The following ECD variants were observed in gnomAD, a reference collection of about 807,000 sequenced individuals.
ECD encodes the protein ecdysoneless cell cycle regulator, also known as protein ecdysoneless homolog.
A neutral mutation model predicts 77.2 loss-of-function variants in ECD; 59 were observed. The ratio of observed to expected loss-of-function variants is 0.76; its 90% confidence interval spans 0.62 to 0.95. The LOEUF (loss-of-function observed/expected upper bound fraction) is 0.95, where lower values mean the gene tolerates loss of function less well. Among genes scored for constraint, ECD ranks in the 40% least tolerant of loss-of-function variants. The probability of loss-of-function intolerance (pLI) is 0.00; values close to 1 mark genes in which losing one functional copy is unlikely to be tolerated. For missense variants in ECD, 704 were observed against 763.4 expected, an observed-to-expected ratio of 0.92 and a Z score of 0.92; for synonymous variants, 233 against 267.4, an observed-to-expected ratio of 0.87 and a Z score of 1.26.
chr10:73,160,404 C>A, intron 3 of ECD, 30 bp downstream of exon 3: 1 of 1,443,350 alleles, frequency 6.9e-7, no homozygotes, highest in Non-Finnish European at 9.4e-7. Flanking sequence ...TAATAGAATT[C>A]CTTTAGAATA....
chr10:73,159,728 C>T (rs1473971859), intron 3 of ECD, among the ~76,000 whole-genome samples: 1 of 149,406 alleles, frequency 6.7e-6, no homozygotes, highest in Admixed American at 6.6e-5. Context: ...ACCGCAACCT[C>T]CGCCTCCCAG....
In ECD at chr10:73,146,328, T is replaced by G. The variant is rs1488259442; in HGVS notation, c.1075A>C (p.Arg359=). The change falls in exon 9 of 14, where the codon AGG becomes CGG. Residue 359 remains arginine, a synonymous_variant. Coordinates refer to ENST00000372979, the MANE Select transcript of ECD (RefSeq NM_007265.3). ...LIEGSAQYRE[R]LEMAENYFQL... is the part of the protein sequence containing the mutation. The stretch of plus-strand genomic sequence containing the variant: ...AAGTAATTCTCTGCCATTTCTAGCC[T>G]TTCCCGGTACTGAGCAGAACCTTCT... 1.2e-6 allele frequency: 2 copies of G among 1,610,842 alleles called. No homozygotes were observed. Among genetic ancestry groups the G allele is most frequent in the Non-Finnish European group, 1.7e-6 (2 of 1,177,976 alleles).
Position 73,133,926 on chromosome 10 carries a change from G to A in ECD, c.*657C>T, listed in dbSNP as rs893461625. 1.3e-5 allele frequency: 2 copies of A among 152,128 alleles called. No homozygotes were observed. The highest frequency in any genetic ancestry group is 3.9e-4 in the East Asian group (2 of 5,194). 9.4% of individuals were successfully genotyped at this position (152,128 alleles called of 1,614,324 possible). A position where few individuals can be genotyped will look rare whatever the true frequency, so the allele number is the denominator to read the frequency against. On this transcript the variant is annotated 3_prime_UTR_variant, in exon 14 of 14. Transcript: ENST00000372979. The stretch of plus-strand genomic sequence containing the variant: ...GGGCTGGGAGTAGAAGGGAATGAGA[G>A]ACTATTAGTGAGTATGGGGTTTCTA...
At position 73,165,228 on chromosome 10, in the gene ECD, C is replaced by T. The variant is rs114053867; in HGVS notation, c.-13-1278G>A. ...TCTCTCTTTTATGAACATTGTATGG[C>T]GTAGAGGAATTCAGAACTACAAAAC... On this transcript the variant is annotated intron_variant, in intron 1 of 13. Transcript: ENST00000372979. Among the ~76,000 whole-genome samples, 285 of 152,278 alleles carry T rather than the reference C, an allele frequency of 1.9e-3. 3 individuals carry two copies. The highest frequency in any genetic ancestry group is 6.4e-3 in the African/African-American group (268 of 41,574).
rs1307489420 is a variant in ECD, at chr10:73,140,589, G to A, written c.1128-852C>T. On this transcript the variant is annotated intron_variant, in intron 9 of 13. Transcript: ENST00000372979. ...CCCAGCTACTCGGGAGGCTGAGGCAGGAGAATTGCTTGAACCCGGGAGGTG... is the reference window on the plus strand; with the variant it reads ...CCCAGCTACTCGGGAGGCTGAGGCAAGAGAATTGCTTGAACCCGGGAGGTG... 2.6e-5 allele frequency among the ~76,000 whole-genome samples: 4 copies of A among 152,182 alleles called. No individual in the cohort carries two copies. In the East Asian group the frequency reaches 7.8e-4, roughly 30 times the overall value.
Position 73,162,075 on chromosome 10 carries a change from T to G in ECD, c.206-1524A>C, listed in dbSNP as rs532850637. Reference sequence around the variant, plus strand: ...TTAAAGTAACTATTTTTGTCTATATTAGACTTTGATTTAAATTTCATCTTG... The same window carrying G: ...TTAAAGTAACTATTTTTGTCTATATGAGACTTTGATTTAAATTTCATCTTG... On this transcript the variant is annotated intron_variant, in intron 2 of 13. Transcript: ENST00000372979. Among the ~76,000 whole-genome samples, 37 of 152,352 alleles carry G rather than the reference T, an allele frequency of 2.4e-4. 1 individual carries two copies. The highest frequency in any genetic ancestry group is 8.4e-4 in the African/African-American group (35 of 41,588).
At chr10:73,150,980 G>T (rs1287593384) in intron 7 of ECD, among the ~76,000 whole-genome samples, 5 of 152,120 alleles carry the variant, frequency 3.3e-5, no homozygotes, top group Non-Finnish European at 7.3e-5. Context: ...ATTCCTCAGG[G>T]ATCTAGAACT....
At position 73,162,850 on chromosome 10, in the gene ECD, C is replaced by A. The variant is rs144399680; in HGVS notation, c.205+883G>T. ...CTGCTGCTTAAACTTCAAAGGCCAG[C>A]TGGCAAGCCAAAGCCATCATGCCTA... On this transcript the variant is annotated intron_variant, in intron 2 of 13. Coordinates refer to ENST00000372979, the MANE Select transcript of ECD (RefSeq NM_007265.3). Among the ~76,000 whole-genome samples the A allele has an allele frequency of 1.2e-3, 185 of 152,326 alleles. 1 individual carries two copies. The highest frequency in any genetic ancestry group is 4.3e-3 in the African/African-American group (179 of 41,568).
chr10:73,163,687 A>T, intron 2 of ECD, 46 bp downstream of exon 2: 1 of 1,581,096 alleles, frequency 6.3e-7, no homozygotes, highest in Non-Finnish European at 8.7e-7. Context: ...TGTTGTCAGG[A>T]TAACATTAAA....
At chr10:73,161,358 C>A (rs1008722219) in intron 2 of ECD, among the ~76,000 whole-genome samples, 1 of 151,070 alleles carries the variant, frequency 6.6e-6, no homozygotes, top group African/African-American at 2.4e-5. Context: ...TAACTAAAAT[C>A]GGAAATGAAA....
intron 2 of ECD, among the ~76,000 whole-genome samples, chr10:73,162,219 T>C (rs1182689719): frequency 2.0e-5 from 3 of 152,094 alleles, no homozygotes; most frequent in Non-Finnish European, 2.9e-5. Flanking sequence ...GAGAGGTAAG[T>C]TAGGAGGCTG....
Position 73,156,324 on chromosome 10 carries a change from T to A in ECD, c.541A>T (p.Ile181Leu). 4 of 1,612,224 alleles carry A rather than the reference T, an allele frequency of 2.5e-6. No homozygotes were observed. Among genetic ancestry groups the A allele is most frequent in the Non-Finnish European group, 3.4e-6 (4 of 1,179,530 alleles). The change falls in exon 5 of 14, where the codon ATA becomes TTA. Residue 181 changes from isoleucine to leucine, a missense_variant. By Grantham distance (5) the Ile-to-Leu change is conservative. Coordinates refer to ENST00000372979, the MANE Select transcript of ECD (RefSeq NM_007265.3). ...LNIITAHSEK[I>L]LASESIRAAV... ...GCTCGTATAGATTCTGAAGCAAGTA[T>A]TTTTTCTGAATGTGCTGTGATTATA...
intron 1 of ECD, among the ~76,000 whole-genome samples, chr10:73,167,280 G>T (rs1234027058): frequency 1.3e-5 from 2 of 152,060 alleles, no homozygotes; most frequent in Admixed American, 6.5e-5. Context: ...TGGCTATTCT[G>T]GCTCTTTTGT....
intron 5 of ECD, among the ~76,000 whole-genome samples, chr10:73,154,912 C>T (rs928281792): frequency 7.9e-5 from 12 of 151,600 alleles, no homozygotes; most frequent in Non-Finnish European, 1.3e-4. Context: ...CCAGCCTGGG[C>T]GACAAGAGCA....
At chr10:73,151,444 T>G (rs976756533) in intron 7 of ECD, among the ~76,000 whole-genome samples, 3 of 150,974 alleles carry the variant, frequency 2.0e-5, no homozygotes, top group Non-Finnish European at 3.0e-5. Flanking sequence ...AGTTAATGGG[T>G]GCAGCACACC....
At chr10:73,148,427 T>C in intron 7 of ECD, 23 bp from the exon 8 acceptor site, 1 of 1,603,840 alleles carries the variant, frequency 6.2e-7, no homozygotes, top group Non-Finnish European at 8.5e-7. Context: ...GGTAGAATTT[T>C]TGTTACTAAG....
intron 1 of ECD, among the ~76,000 whole-genome samples, chr10:73,167,397 A>C (rs1234376938): frequency 6.6e-6 from 1 of 152,150 alleles, no homozygotes; most frequent in Non-Finnish European, 1.5e-5. Context: ...GGTTTTCCTT[A>C]TCTCTTAATT....
At chr10:73,153,152 A>T (rs1296371668) in intron 6 of ECD, among the ~76,000 whole-genome samples, 1 of 151,904 alleles carries the variant, frequency 6.6e-6, no homozygotes, top group Non-Finnish European at 1.5e-5. Context: ...TCCTGACCTC[A>T]GGTGATCTGC....
intron 3 of ECD, among the ~76,000 whole-genome samples, chr10:73,158,621 A>C (rs922101521): frequency 4.6e-5 from 7 of 152,038 alleles, no homozygotes; most frequent in Non-Finnish European, 5.9e-5. Context: ...CCATAGCCCC[A>C]GCTACTCAGG....
Sources: gnomAD v4.1 joint callset for allele counts (sites outside exome capture counted in the v4.1 genomes callset) on GRCh38, gnomAD v4.1.1 for gene constraint, MANE v1.5 for transcripts, NCBI Gene and HGNC (gene_info 2026-07-23, HGNC 2026-07-21) for gene names.